The following CDH11 variants were observed in gnomAD, a reference collection of about 807,000 sequenced individuals.
CDH11 encodes the protein cadherin-11.
Under a neutral mutation model 67.8 loss-of-function variants are expected in CDH11, and 11 were observed. That is an observed-to-expected ratio of 0.16 (90% confidence interval 0.10 to 0.27). The LOEUF (loss-of-function observed/expected upper bound fraction) is 0.27. Among genes scored for constraint, CDH11 ranks in the 10% least tolerant of loss-of-function variants. The pLI, the probability that CDH11 is intolerant of heterozygous loss-of-function variation, is 1.00. For missense variants in CDH11, 847 were observed against 1,031.2 expected (o/e 0.82, Z 2.45); for synonymous variants, 419 against 400.0 (o/e 1.05, Z -0.57).
At chr16:65,053,252 T>C (rs898349693) in intron 2 of CDH11, among the ~76,000 whole-genome samples, 9 of 152,112 alleles carry the variant, frequency 5.9e-5, no homozygotes, top group African/African-American at 2.2e-4. Context: ...AAATCCTAGG[T>C]CCAGCCACCC....
chr16:65,107,720 T>A (rs1442267358), intron 1 of CDH11, among the ~76,000 whole-genome samples: 2 of 152,190 alleles, frequency 1.3e-5, no homozygotes, highest in Non-Finnish European at 2.9e-5. Flanking sequence ...ACCTGTGCAT[T>A]CACATCCAGG....
chr16:65,017,977 T>A (rs1445932440), intron 2 of CDH11, among the ~76,000 whole-genome samples: 1 of 152,248 alleles, frequency 6.6e-6, no homozygotes, highest in Non-Finnish European at 1.5e-5. Context: ...TTACTATACT[T>A]GGCCTGATTT....
At chr16:65,045,121 T>C (rs186441846) in intron 2 of CDH11, among the ~76,000 whole-genome samples, 11 of 151,688 alleles carry the variant, frequency 7.3e-5, no homozygotes, top group African/African-American at 2.4e-4. Context: ...GTAAATGGTT[T>C]GGGGCAATGA....
At chr16:65,048,178 C>T (rs1268006294) in intron 2 of CDH11, among the ~76,000 whole-genome samples, 13 of 152,200 alleles carry the variant, frequency 8.5e-5, no homozygotes, top group South Asian at 2.1e-4. Context: ...TTTTGCCCCT[C>T]ACTCACTGGA....
rs1400284095 is a variant in CDH11 at position 64,945,442 on chromosome 16, G to C, written c.*2161C>G. 1.9e-6 allele frequency: 2 copies of C among 1,035,992 alleles called. No homozygotes were observed. The highest frequency in any genetic ancestry group is 1.1e-4 in the Admixed American group (2 of 17,828). 64.2% of individuals were successfully genotyped at this position (1,035,992 alleles called of 1,614,324 possible). A position where few individuals can be genotyped will look rare whatever the true frequency, so the allele number is the denominator to read the frequency against. ...ATCCAAATACATTCCTAGAGAAAAGGATCATCCATGGTGACAGGGTTACTT... is the reference window on the plus strand; with the variant it reads ...ATCCAAATACATTCCTAGAGAAAAGCATCATCCATGGTGACAGGGTTACTT... On this transcript the variant is annotated 3_prime_UTR_variant, in exon 13 of 13. Transcript: ENST00000268603.
At position 65,121,165 on chromosome 16, in the gene CDH11, C is replaced by T. The variant is rs2075322716; in HGVS notation, c.-298+715G>A. On this transcript the variant is annotated intron_variant, in intron 1 of 12. Coordinates refer to ENST00000268603, the MANE Select transcript of CDH11 (RefSeq NM_001797.4). The surrounding 1 kb of genome is among the most constrained non-coding windows in gnomAD (Gnocchi z 4.1). ...GCCCGAGTCTGGGCCGCTCATGGAC[C>T]TACTCCTGCGCTGGTGGGAGCTTAC... 6.6e-6 allele frequency among the ~76,000 whole-genome samples: 1 copy of T among 152,204 alleles called. No homozygotes were observed. Among genetic ancestry groups the T allele is most frequent in the Non-Finnish European group, 1.5e-5 (1 of 68,036 alleles).
At position 65,121,770 on chromosome 16, in the gene CDH11, T is replaced by C. The variant is rs908427991; in HGVS notation, c.-298+110A>G. On this transcript the variant is annotated intron_variant, in intron 1 of 12. Coordinates refer to ENST00000268603, the MANE Select transcript of CDH11 (RefSeq NM_001797.4). The surrounding 1 kb of genome is among the most constrained non-coding windows in gnomAD (Gnocchi z 4.1). ...AGCCTTCTCGACTCAGATACCACCG[T>C]CCCCCTCACCACCCCGCCCCGCCAA... 1 of 697,140 alleles carries C rather than the reference T, an allele frequency of 1.4e-6. No individual in the cohort carries two copies. The highest frequency in any genetic ancestry group is 2.6e-6 in the Non-Finnish European group (1 of 383,042). The allele number at this position is 697,140 out of a possible 1,614,324, so 43.2% of individuals were successfully genotyped here.
intron 1 of CDH11, among the ~76,000 whole-genome samples, chr16:65,057,251 G>T (rs548302597): frequency 1.6e-4 from 24 of 152,132 alleles, no homozygotes; most frequent in African/African-American, 5.5e-4. Context: ...TCCCCTCTCA[G>T]CCAGGAAACC....
At chr16:65,003,948 T>A (rs970932633) in intron 3 of CDH11, among the ~76,000 whole-genome samples, 1 of 152,104 alleles carries the variant, frequency 6.6e-6, no homozygotes, top group African/African-American at 2.4e-5. Flanking sequence ...AAAGCTATGA[T>A]AAAGGGTCCA....
chr16:65,104,350 C>A (rs752269135), intron 1 of CDH11, among the ~76,000 whole-genome samples: 7 of 152,166 alleles, frequency 4.6e-5, no homozygotes, highest in Non-Finnish European at 1.0e-4. Context: ...ACAAATTCCA[C>A]ATTGTCCCTC....
intron 11 of CDH11, among the ~76,000 whole-genome samples, chr16:64,958,051 AT>A (rs1339574020): frequency 5.9e-5 from 9 of 152,130 alleles, no homozygotes; most frequent in African/African-American, 1.9e-4. Flanking sequence ...ACCTGTACAC[AT>A]TACTGCATAG....
intron 2 of CDH11, among the ~76,000 whole-genome samples, chr16:65,026,113 C>G (rs994195023): frequency 1.3e-5 from 2 of 152,260 alleles, no homozygotes; most frequent in African/African-American, 4.8e-5. Flanking sequence ...ATCATTTGTT[C>G]CATTAAACCC....
At chr16:65,058,405 C>A (rs377260927) in intron 1 of CDH11, among the ~76,000 whole-genome samples, 1 of 152,232 alleles carries the variant, frequency 6.6e-6, no homozygotes, top group African/African-American at 2.4e-5. Flanking sequence ...AACGGCCATC[C>A]ACTTTTCTGG....
In CDH11 at chr16:64,946,492, A is replaced by C. The variant is rs928924286; in HGVS notation, c.*1111T>G. ...ACTATATAACACATATTGCAAAGTC[A>C]TAGACTGACCTAGTTCTTTCACATC... On this transcript the variant is annotated 3_prime_UTR_variant, in exon 13 of 13. Transcript: ENST00000268603. 1 of 1,031,034 alleles carries C rather than the reference A, an allele frequency of 9.7e-7. No homozygotes were observed. The highest frequency in any genetic ancestry group is 1.7e-5 in the African/African-American group (1 of 59,402). The allele number at this position is 1,031,034 out of a possible 1,614,324, so 63.9% of individuals were successfully genotyped here. A position where few individuals can be genotyped will look rare whatever the true frequency, so the allele number is the denominator to read the frequency against.
At chr16:64,967,782 T>C (rs1314134139) in intron 11 of CDH11, among the ~76,000 whole-genome samples, 1 of 152,176 alleles carries the variant, frequency 6.6e-6, no homozygotes, top group Non-Finnish European at 1.5e-5. Context: ...TATTTTAATG[T>C]TTTAATACCA....
chr16:65,122,257 T>C (rs895626746), upstream of CDH11: 93 of 414,012 alleles, frequency 2.2e-4, no homozygotes, highest in South Asian at 7.6e-4. Flanking sequence ...GCCGACCCCG[T>C]CCGCGCCCCT....
intron 1 of CDH11, among the ~76,000 whole-genome samples, chr16:65,098,289 C>A (rs1340149742): frequency 2.0e-5 from 3 of 152,114 alleles, no homozygotes; most frequent in Non-Finnish European, 2.9e-5. Flanking sequence ...GATGACAGAA[C>A]AACATGCTAG....
intron 1 of CDH11, among the ~76,000 whole-genome samples, chr16:65,110,036 A>G (rs1212178283): frequency 1.3e-5 from 2 of 152,056 alleles, no homozygotes; most frequent in African/African-American, 4.8e-5. Flanking sequence ...GTGCTCAGCT[A>G]ATTTTTGTAT....
In CDH11 at chr16:64,991,773, G is replaced by A. The variant is rs773517174; in HGVS notation, c.806C>T (p.Pro269Leu). ...AGCCAAGTCCACCTACTTACTCTGC[G>A]GAAACTTTGGTGGGTTGTCATTGAC... is the stretch of plus-strand genomic sequence containing the variant. ...TDVNDNPPKFPQSVYQMSVSE... is the reference protein window; with the variant it reads ...TDVNDNPPKFLQSVYQMSVSE... Residue 269 changes from proline (P) to leucine (L), a missense_variant, in exon 6 of 13, where the codon CCG (proline) becomes CTG (leucine). Transcript: ENST00000268603. The A allele has an allele frequency of 1.2e-5, 19 of 1,612,184 alleles. No homozygotes were observed. The highest frequency in any genetic ancestry group is 8.3e-5 in the Admixed American group (5 of 59,964).
Sources: gnomAD v4.1 joint callset for allele counts (sites outside exome capture counted in the v4.1 genomes callset) on GRCh38, gnomAD v4.1.1 for gene constraint, Gnocchi (gnomAD v3.1) non-coding constraint, MANE v1.5 for transcripts, NCBI Gene and HGNC (gene_info 2026-07-23, HGNC 2026-07-21) for gene names.